The following RORA variants were observed in gnomAD, a reference collection of about 807,000 sequenced individuals.
The protein encoded by RORA is nuclear receptor ROR-alpha.
In RORA, 7 loss-of-function variants were observed where a neutral mutation model predicts 69.5. The ratio of observed to expected loss-of-function variants is 0.10; its 90% CI spans 0.06 to 0.19. The LOEUF is 0.19. Ranked by LOEUF, RORA falls within the 10% of genes least tolerant of loss-of-function variation. RORA has a pLI of 1.00. For missense variants in RORA, 457 were observed against 663.0 expected, an observed-to-expected ratio of 0.69 and a Z score of 3.41; for synonymous variants, 261 against 240.8, an observed-to-expected ratio of 1.08 and a Z score of -0.78.
intron 2 of RORA, among the ~76,000 whole-genome samples, chr15:60,543,772 G>T (rs1381268256): frequency 1.3e-5 from 2 of 152,238 alleles, no homozygotes. Flanking sequence ...TATCTTTTAA[G>T]GATGATAGTA....
At chr15:61,056,389 C>G (rs1378985466) in intron 1 of RORA, among the ~76,000 whole-genome samples, 1 of 152,222 alleles carries the variant, frequency 6.6e-6, no homozygotes, top group East Asian at 1.9e-4. Context: ...ATCTGGAACT[C>G]TCTGAATCCC....
At position 60,493,312 on chromosome 15, in the gene RORA, AAAAC is replaced by A. The variant is rs2065082501; in HGVS notation, c.*4139_*4142del. On this transcript the variant is annotated 3_prime_UTR_variant, in exon 11 of 11. Transcript: ENST00000335670. ...CAAAAGGCAAAACAAAAAAAACCAA[AAAAC>A]AAAAAAACCCCAAAAAACTGTACAA... 6.6e-6 allele frequency: 1 copy of A among 152,152 alleles called. No individual in the cohort carries two copies. The highest frequency in any genetic ancestry group is 6.6e-5 in the Admixed American group (1 of 15,262). 9.4% of individuals were successfully genotyped at this position (152,152 alleles called of 1,614,324 possible). A position where few individuals can be genotyped will look rare whatever the true frequency, so the allele number is the denominator to read the frequency against.
chr15:61,019,000 C>T (rs12903648), intron 1 of RORA, among the ~76,000 whole-genome samples: 78,862 of 152,076 alleles, frequency 0.52, 24,090 homozygotes, highest in Non-Finnish European at 0.7. Context: ...CTCTATTCCC[C>T]TCTGAGTTTT....
intron 1 of RORA, among the ~76,000 whole-genome samples, chr15:61,115,398 G>A (rs977188125): frequency 5.3e-5 from 8 of 152,152 alleles, no homozygotes; most frequent in Admixed American, 3.3e-4. Flanking sequence ...AAGAAGACAG[G>A]ACACTGGATC....
chr15:61,069,647 T>C (rs749881911), intron 1 of RORA, among the ~76,000 whole-genome samples: 1 of 151,416 alleles, frequency 6.6e-6, no homozygotes, highest in Non-Finnish European at 1.5e-5. Flanking sequence ...TAATCCACAT[T>C]GTGAAAAAGT....
intron 1 of RORA, among the ~76,000 whole-genome samples, chr15:61,142,634 C>G (rs2079310391): frequency 6.6e-6 from 1 of 151,920 alleles, no homozygotes; most frequent in Non-Finnish European, 1.5e-5. Flanking sequence ...CAGAATCCAC[C>G]AGTGCAATAA....
intron 1 of RORA, among the ~76,000 whole-genome samples, chr15:61,121,648 G>A (rs1045816567): frequency 1.3e-5 from 2 of 152,052 alleles, no homozygotes; most frequent in Admixed American, 1.3e-4. Context: ...TCTGGGCATC[G>A]CTGGAGCTGC....
chr15:61,089,488 A>C (rs1252807593), intron 1 of RORA, among the ~76,000 whole-genome samples: 1 of 152,200 alleles, frequency 6.6e-6, no homozygotes, highest in East Asian at 1.9e-4. Flanking sequence ...TGAGACCTGC[A>C]TGGCTGAGAC....
chr15:60,632,121 T>C (rs548981897), intron 2 of RORA, among the ~76,000 whole-genome samples: 1 of 152,222 alleles, frequency 6.6e-6, no homozygotes, highest in Non-Finnish European at 1.5e-5. Flanking sequence ...ATTTTTTTTT[T>C]TTTTAGACGG....
chr15:61,007,809 T>C (rs1021709741), intron 1 of RORA, among the ~76,000 whole-genome samples: 3 of 147,674 alleles, frequency 2.0e-5, no homozygotes, highest in Non-Finnish European at 4.5e-5. Flanking sequence ...CTGTTACATA[T>C]ATAAAAAATA....
intron 1 of RORA, among the ~76,000 whole-genome samples, chr15:60,693,701 A>C (rs1025330606): frequency 6.6e-6 from 1 of 152,178 alleles, no homozygotes; most frequent in African/African-American, 2.4e-5. Flanking sequence ...GAAGTGCTAC[A>C]AAGAGAATAA....
chr15:60,679,953 ATCATGT>A (rs2070618683), intron 1 of RORA, among the ~76,000 whole-genome samples: 2 of 151,818 alleles, frequency 1.3e-5, no homozygotes, highest in South Asian at 4.1e-4. Context: ...TTTGTTTTAA[ATCATGT>A]TTGAGTTGGC....
chr15:60,847,346 G>C (rs2073277208), intron 1 of RORA, among the ~76,000 whole-genome samples: 1 of 151,998 alleles, frequency 6.6e-6, no homozygotes, highest in Non-Finnish European at 1.5e-5. Flanking sequence ...AGAGTCTGTG[G>C]CTGAACCTCA....
intron 1 of RORA, among the ~76,000 whole-genome samples, chr15:60,702,199 T>C (rs143944230): frequency 2.4e-4 from 37 of 152,286 alleles, no homozygotes; most frequent in African/African-American, 7.7e-4. Flanking sequence ...GATGGTACTC[T>C]TCTCATAGGG....
intron 1 of RORA, among the ~76,000 whole-genome samples, chr15:60,855,507 T>C (rs966974573): frequency 6.6e-6 from 1 of 152,234 alleles, no homozygotes; most frequent in Non-Finnish European, 1.5e-5. Context: ...AGAGGCAGTG[T>C]CTGAGTTTAC....
chr15:60,955,879 T>C (rs1893254642), intron 1 of RORA, among the ~76,000 whole-genome samples: 1 of 152,220 alleles, frequency 6.6e-6, no homozygotes, highest in Admixed American at 6.5e-5. Flanking sequence ...GGACACTTTA[T>C]AGACGTATAT....
intron 1 of RORA, among the ~76,000 whole-genome samples, chr15:60,681,402 A>T (rs1286816761): frequency 2.0e-5 from 3 of 152,152 alleles, no homozygotes; most frequent in African/African-American, 4.8e-5. Flanking sequence ...AATAATTTAA[A>T]CCTATGGGAG....
intron 2 of RORA, among the ~76,000 whole-genome samples, chr15:60,641,094 G>T (rs1247416073): frequency 6.6e-6 from 1 of 152,142 alleles, no homozygotes; most frequent in Non-Finnish European, 1.5e-5. Flanking sequence ...CTGGACTACA[G>T]GTGTGTACAA....
intron 1 of RORA, among the ~76,000 whole-genome samples, chr15:61,063,615 A>G (rs942865509): frequency 1.1e-4 from 16 of 152,316 alleles, no homozygotes; most frequent in East Asian, 9.6e-4. Context: ...TATCCTTGGA[A>G]ACACCCTTGA....
Sources: gnomAD v4.1 joint callset for allele counts (sites outside exome capture counted in the v4.1 genomes callset) on GRCh38, gnomAD v4.1.1 for gene constraint, MANE v1.5 for transcripts, NCBI Gene and HGNC (gene_info 2026-07-23, HGNC 2026-07-21) for gene names.